SEZ6L: variants seen among roughly 807,000 people sequenced by gnomAD.
The protein encoded by SEZ6L is seizure 6-like protein.
SEZ6L carries 37 observed loss-of-function variants against 106.2 expected under a neutral mutation model. The observed-to-expected ratio is 0.35, with a 90% CI of 0.27 to 0.46. The LOEUF (loss-of-function observed/expected upper bound fraction) is 0.46, where lower values mean the gene tolerates loss of function less well. Ranked by LOEUF, SEZ6L falls within the 20% of genes least tolerant of loss-of-function variation. The pLI, the probability that SEZ6L is intolerant of heterozygous loss-of-function variation, is 1.00. For synonymous variants in SEZ6L, 541 were observed against 570.4 expected, an observed-to-expected ratio of 0.95 and a Z score of 0.73; for missense variants, 1,172 against 1,332.8, an observed-to-expected ratio of 0.88 and a Z score of 1.88.
chr22:26,293,214 G>A (rs1569449093), intron 2 of SEZ6L, 68 bp downstream of exon 2: 1 of 1,443,038 alleles, frequency 6.9e-7, no homozygotes, highest in East Asian at 2.5e-5. Context: ...TTCAGGGCAT[G>A]TGGGTAGAGG....
chr22:26,299,865 G>A (rs577990946), intron 5 of SEZ6L, among the ~76,000 whole-genome samples: 37 of 152,290 alleles, frequency 2.4e-4, no homozygotes, highest in African/African-American at 8.7e-4. Context: ...CTGGGTCATA[G>A]GGTCATTGTA....
At chr22:26,301,005 T>G (rs1223452643) in intron 5 of SEZ6L, among the ~76,000 whole-genome samples, 1 of 152,252 alleles carries the variant, frequency 6.6e-6, no homozygotes, top group African/African-American at 2.4e-5. Context: ...TCTTGTGCTC[T>G]GAGTGTAACT....
At chr22:26,329,746 C>T (rs1207708641) in intron 9 of SEZ6L, among the ~76,000 whole-genome samples, 2 of 152,226 alleles carry the variant, frequency 1.3e-5, no homozygotes, top group Non-Finnish European at 2.9e-5. Context: ...GCTCAGTTTA[C>T]TCCTCTATGG....
intron 9 of SEZ6L, among the ~76,000 whole-genome samples, chr22:26,315,166 A>G (rs929896845): frequency 1.4e-4 from 21 of 152,314 alleles, no homozygotes; most frequent in Middle Eastern, 3.4e-3. Context: ...CCGGCTTTTG[A>G]GGCTGTTCCT....
chr22:26,353,342 A>G (rs1383491416), intron 12 of SEZ6L, among the ~76,000 whole-genome samples: 1 of 152,218 alleles, frequency 6.6e-6, no homozygotes, highest in Non-Finnish European at 1.5e-5. Flanking sequence ...GTGTATATAT[A>G]GTGTGTGTAC....
Position 26,323,855 on chromosome 22 carries a change from C to CT in SEZ6L, c.2015+9960dup, listed in dbSNP as rs534657822. Among the ~76,000 whole-genome samples the CT allele has an allele frequency of 2.5e-3, 378 of 152,060 alleles. 1 individual carries two copies. Among genetic ancestry groups the CT allele is most frequent in the Non-Finnish European group, 4.1e-3 (279 of 67,984 alleles). ...CTTACAATGTGCCAGTCTTTACATG[C>CT]TTTTTTTACCTATAGTAACTCATTT... On this transcript the variant is annotated intron_variant, in intron 9 of 16. Transcript: ENST00000248933.
At chr22:26,341,208 C>T (rs2082823725) in intron 10 of SEZ6L, among the ~76,000 whole-genome samples, 1 of 152,098 alleles carries the variant, frequency 6.6e-6, no homozygotes, top group South Asian at 2.1e-4. Flanking sequence ...CAAAAGATGT[C>T]TTTCCTCATC....
At chr22:26,264,673 T>A (rs2080120545) in intron 1 of SEZ6L, among the ~76,000 whole-genome samples, 1 of 152,228 alleles carries the variant, frequency 6.6e-6, no homozygotes, top group African/African-American at 2.4e-5. Flanking sequence ...TATTCAACTC[T>A]GCATGAAAGC....
intron 1 of SEZ6L, among the ~76,000 whole-genome samples, chr22:26,211,664 A>G (rs2078161097): frequency 6.6e-6 from 1 of 151,886 alleles, no homozygotes; most frequent in Non-Finnish European, 1.5e-5. Flanking sequence ...GCATCATCAG[A>G]TATTTGTTAA....
At chr22:26,360,037 TGCAA>T (rs1448716237) in intron 12 of SEZ6L, among the ~76,000 whole-genome samples, 1 of 152,236 alleles carries the variant, frequency 6.6e-6, no homozygotes, top group African/African-American at 2.4e-5. Context: ...AGAATGGTTG[TGCAA>T]ATACTTTGGA....
intron 1 of SEZ6L, among the ~76,000 whole-genome samples, chr22:26,291,976 AAAGGAAGG>A (rs56887152): frequency 0.13 from 15,529 of 123,148 alleles, 1,392 homozygotes; most frequent in East Asian, 0.3. Context: ...GTCTTCAGGA[AAAGGAAGG>A]AAGGAAGGAA....
intron 13 of SEZ6L, among the ~76,000 whole-genome samples, chr22:26,368,121 G>A (rs2083883581): frequency 6.6e-6 from 1 of 152,188 alleles, no homozygotes; most frequent in Non-Finnish European, 1.5e-5. Context: ...CCCTCCAGAA[G>A]GAACAGAAGC....
At chr22:26,183,197 T>G (rs949021484) in intron 1 of SEZ6L, among the ~76,000 whole-genome samples, 5 of 152,100 alleles carry the variant, frequency 3.3e-5, no homozygotes, top group African/African-American at 1.2e-4. Context: ...AGTGCTGGAG[T>G]TGTGACTCTT....
chr22:26,345,749 A>T (rs558892736), intron 10 of SEZ6L, among the ~76,000 whole-genome samples: 1 of 152,214 alleles, frequency 6.6e-6, no homozygotes, highest in Non-Finnish European at 1.5e-5. Context: ...TTTCCCCAGA[A>T]GCACATAAGA....
intron 1 of SEZ6L, among the ~76,000 whole-genome samples, chr22:26,263,290 G>A (rs761991139): frequency 2.6e-5 from 4 of 152,292 alleles, no homozygotes; most frequent in African/African-American, 4.8e-5. Context: ...CCTTCTTGTC[G>A]TCATTTGTAA....
intron 1 of SEZ6L, among the ~76,000 whole-genome samples, chr22:26,257,068 G>A (rs182254651): frequency 1.3e-5 from 2 of 152,254 alleles, no homozygotes; most frequent in Admixed American, 1.3e-4. Flanking sequence ...GTTTTTGATG[G>A]TCACAACATC....
At position 26,293,241 on chromosome 22, in the gene SEZ6L, G is replaced by A. The variant is rs1013604625; in HGVS notation, c.835+95G>A. 2.4e-5 allele frequency: 34 copies of A among 1,423,836 alleles called. No homozygotes were observed. The Admixed American group carries it at 7.1e-4, about 30-fold the overall frequency. The allele number at this position is 1,423,836 out of a possible 1,614,324, so 88.2% of individuals were successfully genotyped here. A position where few individuals can be genotyped will look rare whatever the true frequency, so the allele number is the denominator to read the frequency against. ...GGGTAGAGGAATCTCAAGAAGCCCC[G>A]GCCCCACCATCAGTTACCGTCCATT... On this transcript the variant is annotated intron_variant, in intron 2 of 16. Transcript: ENST00000248933.
intron 1 of SEZ6L, among the ~76,000 whole-genome samples, chr22:26,250,154 G>A (rs1022323374): frequency 1.3e-5 from 2 of 152,096 alleles, no homozygotes; most frequent in Non-Finnish European, 2.9e-5. Context: ...TTGCTGTGTA[G>A]AAGCTTTTTA....
intron 14 of SEZ6L, among the ~76,000 whole-genome samples, chr22:26,374,116 C>T (rs1381937387): frequency 3.3e-5 from 5 of 151,880 alleles, no homozygotes; most frequent in South Asian, 2.1e-4. Context: ...TCTATGTCAC[C>T]GCTATTGAAT....
Sources: allele counts gnomAD v4.1 joint callset (sites outside exome capture counted in the v4.1 genomes callset), GRCh38; gene constraint gnomAD v4.1.1; transcripts MANE v1.5; gene names NCBI Gene and HGNC (gene_info 2026-07-23, HGNC 2026-07-21).